The following PRKDC variants were observed in gnomAD, a reference collection of about 807,000 sequenced individuals.
PRKDC encodes DNA-dependent protein kinase catalytic subunit.
In PRKDC, 82 loss-of-function variants were observed where a neutral mutation model predicts 486.9. The ratio of observed to expected loss-of-function variants is 0.17; its 90% CI spans 0.14 to 0.20. PRKDC has a LOEUF of 0.20. PRKDC is among the 10% of genes least tolerant of loss of function. The probability of loss-of-function intolerance (pLI) is 1.00; values close to 1 mark genes in which losing one functional copy is unlikely to be tolerated. For missense variants in PRKDC, 4,504 were observed against 5,038.2 expected, an observed-to-expected ratio of 0.89 and a Z score of 3.21; for synonymous variants, 1,895 against 1,837.0, an observed-to-expected ratio of 1.03 and a Z score of -0.81.
intron 63 of PRKDC, among the ~76,000 whole-genome samples, chr8:47,825,742 T>C (rs1038632457): frequency 1.3e-5 from 2 of 152,176 alleles, no homozygotes; most frequent in Non-Finnish European, 2.9e-5. Flanking sequence ...CTTACACATC[T>C]GAAGCAACAG....
chr8:47,788,861 C>A, intron 76 of PRKDC, 45 bp downstream of exon 76: 1 of 1,483,724 alleles, frequency 6.7e-7, no homozygotes, highest in South Asian at 1.5e-5. Flanking sequence ...TATTGACTGT[C>A]ACAACGACTC....
chr8:47,808,275 G>A (rs907102511), intron 68 of PRKDC, among the ~76,000 whole-genome samples: 8 of 151,974 alleles, frequency 5.3e-5, no homozygotes, highest in South Asian at 2.1e-4. Context: ...CCAAATAGCC[G>A]GGGTTGGTTA....
Position 47,885,986 on chromosome 8 carries a change from A to T in PRKDC, c.4734T>A (p.Ala1578=). 6.2e-7 allele frequency: 1 copy of T among 1,613,958 alleles called. No individual in the cohort carries two copies. The highest frequency in any genetic ancestry group is 8.5e-7 in the Non-Finnish European group (1 of 1,179,884). The part of the protein sequence containing the change: ...NTELLKNLDL[A]VLELMQSSVD... ...CTGAAGACTGCATGAGCTCCAATAC[A>T]GCAAGATCCAGATTTTTCAATAATT... Residue 1578 remains alanine (A), a synonymous_variant, in exon 36 of 86, where the codon GCT becomes GCA. Coordinates refer to ENST00000314191, the MANE Select transcript of PRKDC (RefSeq NM_006904.7).
intron 38 of PRKDC, among the ~76,000 whole-genome samples, chr8:47,881,043 T>TTA (rs2089203202): frequency 1.1e-5 from 1 of 90,492 alleles, no homozygotes; most frequent in African/African-American, 4.1e-5. Flanking sequence ...CGAGACTGTC[T>TTA]AAAAAAAAAA....
In PRKDC at chr8:47,826,640, C is replaced by CT. The variant is rs2087743409; in HGVS notation, c.8783+15dup. 3 of 1,597,878 alleles carry CT rather than the reference C, an allele frequency of 1.9e-6. No homozygotes were observed. The highest frequency in any genetic ancestry group is 2.6e-6 in the Non-Finnish European group (3 of 1,168,318). ...AAATCCAGTGTGCTCCCAAGAGCAC[C>CT]TGACCTCACACTTACTTAGCAAGCT... On this transcript the variant is annotated intron_variant, in intron 63 of 85. Coordinates refer to ENST00000314191, the MANE Select transcript of PRKDC (RefSeq NM_006904.7).
intron 58 of PRKDC, among the ~76,000 whole-genome samples, chr8:47,836,009 C>T (rs1047923607): frequency 6.6e-6 from 1 of 152,158 alleles, no homozygotes; most frequent in Admixed American, 6.5e-5. Flanking sequence ...CTCAACTGAT[C>T]CTCCTGCCCC....
In PRKDC at chr8:47,879,516, T is replaced by C. The variant is rs767743327; in HGVS notation, c.5210A>G (p.Asn1737Ser). 7.5e-6 allele frequency: 12 copies of C among 1,595,572 alleles called. No individual in the cohort carries two copies. The highest frequency in any genetic ancestry group is 1.0e-5 in the Non-Finnish European group (12 of 1,170,600). The change falls in exon 39 of 86, where the codon AAT (asparagine) becomes AGT (serine). Residue 1737 changes from asparagine to serine, a missense_variant. Coordinates refer to ENST00000314191, the MANE Select transcript of PRKDC (RefSeq NM_006904.7). ...CTTTTTCATGCAGTCCACATAATTA[T>C]TGAACCGCGGAGTTCCTGGAGGAAA... Reference protein sequence around the residue: ...REFPPGTPRFNNYVDCMKKFL... With the variant: ...REFPPGTPRFSNYVDCMKKFL...
chr8:47,786,091 G>A (rs1208732822), intron 76 of PRKDC, among the ~76,000 whole-genome samples: 1 of 140,368 alleles, frequency 7.1e-6, no homozygotes, highest in Admixed American at 7.3e-5. Flanking sequence ...GGGTGATAGA[G>A]TGAGACTCCA....
intron 74 of PRKDC, among the ~76,000 whole-genome samples, chr8:47,793,389 G>T (rs1334880401): frequency 2.6e-5 from 4 of 152,112 alleles, no homozygotes; most frequent in Non-Finnish European, 4.4e-5. Context: ...TAGCACTTTG[G>T]GAGGCCAAGG....
In PRKDC at chr8:47,778,615, C is replaced by T. The variant is rs755396236; in HGVS notation, c.11697G>A (p.Ala3899=). 3.5e-5 allele frequency: 56 copies of T among 1,613,536 alleles called. No homozygotes were observed. Among genetic ancestry groups the T allele is most frequent in the East Asian group, 2.5e-4 (11 of 44,882 alleles). ...RMSTSPEAFL[A]LRSHFASSHA... is the part of the protein sequence containing the mutation. ...GAGAGCTGGCGAAGTGGGAGCGGAGCGCCAGGAAAGCCTCAGGGCTTGTAC... is the reference window on the plus strand; with the variant it reads ...GAGAGCTGGCGAAGTGGGAGCGGAGTGCCAGGAAAGCCTCAGGGCTTGTAC... The change falls in exon 83 of 86, where the codon GCG becomes GCA. Residue 3899 remains alanine (A), a synonymous_variant. Transcript: ENST00000314191.
chr8:47,831,962 G>A (rs2087890839), intron 59 of PRKDC, 36 bp from the exon 60 acceptor site: 11 of 1,562,790 alleles, frequency 7.0e-6, no homozygotes, highest in Non-Finnish European at 8.8e-6. Context: ...ACTCCCCGCC[G>A]CCCAGACACT....
intron 63 of PRKDC, among the ~76,000 whole-genome samples, chr8:47,826,244 C>T (rs2087735859): frequency 6.6e-6 from 1 of 152,166 alleles, no homozygotes. Context: ...CCCAAATAAA[C>T]TAACTGATTT....
intron 21 of PRKDC, among the ~76,000 whole-genome samples, chr8:47,921,982 T>C (rs1448723971): frequency 6.6e-6 from 1 of 152,126 alleles, no homozygotes; most frequent in African/African-American, 2.4e-5. Context: ...GGTTTTGCCA[T>C]GTTGGCCAGG....
chr8:47,839,245 C>A lies in PRKDC; in HGVS notation c.7456G>T (p.Asp2486Tyr). 6.2e-7 allele frequency: 1 copy of A among 1,610,702 alleles called. No homozygotes were observed. The highest frequency in any genetic ancestry group is 8.5e-7 in the Non-Finnish European group (1 of 1,177,334). The change falls in exon 56 of 86, where the codon GAT (aspartate) becomes TAT (tyrosine). Residue 2486 changes from aspartate (D) to tyrosine (Y), a missense_variant and splice_region_variant. By Grantham distance (160) the Asp-to-Tyr change is radical. Transcript: ENST00000314191. Reference protein sequence around the residue: ...ILMWIHDNYRDPESETDNDSQ... With the variant: ...ILMWIHDNYRYPESETDNDSQ... ...TCATTATCTGTCTCACTTTCTGGAT[C>A]TCTGCTTGAGAAAACAGCAAAATGT...
chr8:47,901,749 A>AT (rs146687847), intron 27 of PRKDC, among the ~76,000 whole-genome samples: 10 of 149,726 alleles, frequency 6.7e-5, no homozygotes, highest in East Asian at 2.0e-4. Flanking sequence ...CTGGCACATC[A>AT]TTTTTTTTTT....
chr8:47,910,570 A>G (rs1201196292), intron 25 of PRKDC, among the ~76,000 whole-genome samples: 1 of 152,128 alleles, frequency 6.6e-6, no homozygotes, highest in Non-Finnish European at 1.5e-5. Context: ...TTCAACATCT[A>G]CTACACAAGA....
Position 47,860,905 on chromosome 8 carries a change from C to A in PRKDC, c.6052G>T (p.Asp2018Tyr). ...RKEAREAANG[D>Y]SDGPSYMSSL... ...GATTTTGAAAACATCCTACCTGAAT[C>A]CCCATTTGCTGCTTCTCTGGCTTCT... Residue 2018 changes from aspartate (D) to tyrosine (Y), a missense_variant, in exon 45 of 86, where the codon GAT (aspartate) becomes TAT (tyrosine). Coordinates refer to ENST00000314191, the MANE Select transcript of PRKDC (RefSeq NM_006904.7). 1 of 1,606,346 alleles carries A rather than the reference C, an allele frequency of 6.2e-7. No homozygotes were observed. The highest frequency in any genetic ancestry group is 2.2e-5 in the East Asian group (1 of 44,732).
At chr8:47,866,670 T>A (rs1374711979) in intron 40 of PRKDC, among the ~76,000 whole-genome samples, 3 of 151,940 alleles carry the variant, frequency 2.0e-5, no homozygotes, top group African/African-American at 7.3e-5. Context: ...TTGGAAAAAA[T>A]CTGAATGTTT....
rs575163367 is a variant in PRKDC at position 47,936,556 on chromosome 8, T to C, written c.1114-39A>G. 1.2e-5 allele frequency: 20 copies of C among 1,604,604 alleles called. No homozygotes were observed. In the East Asian group the frequency reaches 4.2e-4, roughly 34 times the overall value. On this transcript the variant is annotated intron_variant, in intron 11 of 85. Transcript: ENST00000314191. ...AAAACAGAAGTCTTCATCAATCTTA[T>C]CAAGATCAAAATAATATTTAAGGTG...
Sources: gnomAD v4.1 joint callset for allele counts (sites outside exome capture counted in the v4.1 genomes callset) on GRCh38, gnomAD v4.1.1 for gene constraint, MANE v1.5 for transcripts, NCBI Gene and HGNC (gene_info 2026-07-23, HGNC 2026-07-21) for gene names.